CARMIL1: variants seen among roughly 807,000 people sequenced by gnomAD.
CARMIL1 encodes capping protein regulator and myosin 1 linker 1.
A neutral mutation model predicts 177.1 loss-of-function variants in CARMIL1; 90 were observed. That is an observed-to-expected ratio of 0.51 (90% CI 0.43 to 0.61). The LOEUF (loss-of-function observed/expected upper bound fraction) is 0.61. Among genes scored for constraint, CARMIL1 ranks in the 20% least tolerant of loss-of-function variants. The pLI, the probability that CARMIL1 is intolerant of heterozygous loss-of-function variation, is 0.00. For missense variants in CARMIL1, 1,380 were observed against 1,667.0 expected (o/e 0.83, Z 3.00); for synonymous variants, 577 against 606.2 (o/e 0.95, Z 0.71).
chr6:25,584,211 A>AT (rs970534794), intron 31 of CARMIL1, among the ~76,000 whole-genome samples: 15 of 147,452 alleles, frequency 1.0e-4, no homozygotes, highest in African/African-American at 1.7e-4. Context: ...TTATTTAAAT[A>AT]TTTTTTTTTG....
At chr6:25,562,798 A>G (rs549967819) in intron 29 of CARMIL1, among the ~76,000 whole-genome samples, 3 of 152,334 alleles carry the variant, frequency 2.0e-5, no homozygotes, top group Admixed American at 1.3e-4. Flanking sequence ...GACTTCAAAC[A>G]TGAACCAATT....
At chr6:25,339,535 G>A (rs1305997259) in intron 2 of CARMIL1, among the ~76,000 whole-genome samples, 1 of 152,198 alleles carries the variant, frequency 6.6e-6, no homozygotes, top group East Asian at 1.9e-4. Context: ...GGGTATTCAG[G>A]TAGTAGATAT....
intron 12 of CARMIL1, among the ~76,000 whole-genome samples, chr6:25,486,163 G>T (rs1321324345): frequency 6.6e-6 from 1 of 152,102 alleles, no homozygotes; most frequent in East Asian, 1.9e-4. Context: ...ATCGAGAAAG[G>T]CATGTAAATG....
chr6:25,451,568 T>C (rs1798930145), intron 8 of CARMIL1, among the ~76,000 whole-genome samples: 1 of 152,216 alleles, frequency 6.6e-6, no homozygotes, highest in African/African-American at 2.4e-5. Flanking sequence ...TTTAGGGCTA[T>C]GGCTTGTGAG....
chr6:25,522,986 A>T (rs924159408), intron 23 of CARMIL1, among the ~76,000 whole-genome samples: 2 of 152,098 alleles, frequency 1.3e-5, no homozygotes, highest in African/African-American at 4.8e-5. Context: ...TTTTATAGAG[A>T]CGAGGTTTCA....
intron 15 of CARMIL1, among the ~76,000 whole-genome samples, chr6:25,494,261 A>G (rs1483777193): frequency 6.6e-6 from 1 of 152,108 alleles, no homozygotes; most frequent in Admixed American, 6.5e-5. Flanking sequence ...GAGTCCCTCC[A>G]CAGAATATGA....
At chr6:25,512,794 A>T (rs551713974) in intron 20 of CARMIL1, among the ~76,000 whole-genome samples, 1 of 152,182 alleles carries the variant, frequency 6.6e-6, no homozygotes, top group Non-Finnish European at 1.5e-5. Context: ...AGTAACATAG[A>T]GGGCCAAGAT....
intron 31 of CARMIL1, 107 bp from the exon 32 acceptor site, chr6:25,594,308 A>G: frequency 1.6e-6 from 1 of 641,750 alleles, no homozygotes; most frequent in Non-Finnish European, 2.7e-6. Context: ...TATTTTAGTG[A>G]GCCTTGTCCC....
At chr6:25,395,136 T>C (rs1200030682) in intron 2 of CARMIL1, among the ~76,000 whole-genome samples, 1 of 152,234 alleles carries the variant, frequency 6.6e-6, no homozygotes, top group Non-Finnish European at 1.5e-5. Flanking sequence ...AGGAGCTCGC[T>C]GAATTGGCTT....
intron 23 of CARMIL1, among the ~76,000 whole-genome samples, chr6:25,523,291 G>GA (rs1296070051): frequency 6.6e-6 from 1 of 152,094 alleles, no homozygotes; most frequent in Non-Finnish European, 1.5e-5. Flanking sequence ...GTATAGGTAG[G>GA]AAAAATAAAG....
At chr6:25,524,016 C>G (rs540492235) in intron 23 of CARMIL1, among the ~76,000 whole-genome samples, 11 of 151,074 alleles carry the variant, frequency 7.3e-5, no homozygotes, top group African/African-American at 2.7e-4. Flanking sequence ...GAAAAATTTC[C>G]TTTTTTTTTC....
intron 27 of CARMIL1, 46 bp downstream of exon 27, chr6:25,551,131 A>C: frequency 6.7e-7 from 1 of 1,495,744 alleles, no homozygotes; most frequent in Non-Finnish European, 9.2e-7. Context: ...GTTTCTGTAA[A>C]TGCAGTCGAG....
chr6:25,542,551 T>C (rs1301765880), intron 26 of CARMIL1, among the ~76,000 whole-genome samples: 2 of 152,160 alleles, frequency 1.3e-5, no homozygotes, highest in South Asian at 2.1e-4. Flanking sequence ...AATGGCCTTT[T>C]CCCCACCTTT....
intron 2 of CARMIL1, among the ~76,000 whole-genome samples, chr6:25,349,909 A>C (rs1449247432): frequency 6.6e-6 from 1 of 151,914 alleles, no homozygotes; most frequent in Admixed American, 6.6e-5. Context: ...TTGTAATTTT[A>C]GTAGAGATGG....
intron 15 of CARMIL1, 53 bp from the exon 16 acceptor site, chr6:25,495,058 G>C: frequency 1.0e-6 from 1 of 973,268 alleles, no homozygotes; most frequent in Non-Finnish European, 1.6e-6. Flanking sequence ...AATAATCAAT[G>C]AATATGTTTG....
At chr6:25,363,363 A>G (rs1789435214) in intron 2 of CARMIL1, among the ~76,000 whole-genome samples, 2 of 151,672 alleles carry the variant, frequency 1.3e-5, no homozygotes, top group Non-Finnish European at 2.9e-5. Context: ...TCCATGGAGA[A>G]CACTGTGACA....
At chr6:25,612,914 C>G (rs1816616231) in intron 36 of CARMIL1, 2 of 985,072 alleles carry the variant, frequency 2.0e-6, no homozygotes, top group Non-Finnish European at 2.4e-6. Context: ...TCATCCCTCA[C>G]TGACCCGAAG....
At chr6:25,485,948 A>C (rs954678346) in intron 12 of CARMIL1, among the ~76,000 whole-genome samples, 6 of 151,966 alleles carry the variant, frequency 3.9e-5, no homozygotes, top group South Asian at 2.1e-4. Context: ...TAAAAAAAAA[A>C]AAAACTCCCC....
At chr6:25,590,426 CTT>C (rs1274578585) in intron 31 of CARMIL1, among the ~76,000 whole-genome samples, 2 of 152,102 alleles carry the variant, frequency 1.3e-5, no homozygotes, top group Non-Finnish European at 2.9e-5. Flanking sequence ...ATAAGAGAGA[CTT>C]AACATGTTTA....
Sources: allele counts gnomAD v4.1 joint callset (sites outside exome capture counted in the v4.1 genomes callset), GRCh38; gene constraint gnomAD v4.1.1; transcripts MANE v1.5; gene names NCBI Gene and HGNC (gene_info 2026-07-23, HGNC 2026-07-21).